The following MAP4 variants were observed in gnomAD, a reference collection of about 807,000 sequenced individuals.
MAP4 encodes microtubule associated protein 4.
In MAP4, 76 loss-of-function variants were observed where a neutral mutation model predicts 170.2. That is an observed-to-expected ratio of 0.45 (90% CI 0.37 to 0.54). The LOEUF (loss-of-function observed/expected upper bound fraction) is 0.54, where lower values mean the gene tolerates loss of function less well. MAP4 is among the 20% of genes least tolerant of loss of function. The probability of loss-of-function intolerance (pLI) is 0.00; values close to 1 mark genes in which losing one functional copy is unlikely to be tolerated. For synonymous variants in MAP4, 909 were observed against 994.5 expected (o/e 0.91, Z 1.62); for missense variants, 2,506 against 2,748.0 (o/e 0.91, Z 1.97).
chr3:47,920,343 G>A (rs563423687), intron 5 of MAP4, among the ~76,000 whole-genome samples: 174 of 152,190 alleles, frequency 1.1e-3, no homozygotes, highest in Non-Finnish European at 2.1e-3. Flanking sequence ...CTGACCTCAG[G>A]TGATCTGCCC....
chr3:47,874,483 TAA>T (rs1225671345), intron 12 of MAP4, among the ~76,000 whole-genome samples: 2 of 151,528 alleles, frequency 1.3e-5, no homozygotes, highest in African/African-American at 4.9e-5. Flanking sequence ...AAATAAAAAT[TAA>T]AAAAAAGTTC....
At chr3:47,861,124 GCTGAGGTGGGTGGATCAC>G (rs1217202039) in intron 17 of MAP4, among the ~76,000 whole-genome samples, 1 of 152,158 alleles carries the variant, frequency 6.6e-6, no homozygotes, top group Non-Finnish European at 1.5e-5. Flanking sequence ...ACTTTGGGAG[GCTGAGGTGGGTGGATCAC>G]CTGAGGTCAG....
chr3:47,912,050 C>A lies in MAP4; in HGVS notation c.2371G>T (p.Asp791Tyr). 1 of 1,536,158 alleles carries A rather than the reference C, an allele frequency of 6.5e-7. No individual in the cohort carries two copies. The highest frequency in any genetic ancestry group is 1.2e-5 in the South Asian group (1 of 84,066). The change falls in exon 9 of 21, where the codon GAT becomes TAT. Residue 791 changes from aspartate (D) to tyrosine (Y), a missense_variant. This residue lies in a region of MAP4 where 2,008 missense variants were observed against 2,206.0 expected (regional missense o/e 0.91). Transcript: ENST00000683076. ...SQPRAGGPSD[D>Y]DNADKPKGHP... is the part of the protein sequence containing the mutation. ...CCTTTAGGCTTATCTGCATTGTCAT[C>A]ATCCGAAGGTCCTCCAGCCCGTGGT... is the stretch of plus-strand genomic sequence containing the variant.
chr3:47,916,630 G>A lies in MAP4; in HGVS notation c.1197C>T (p.Pro399=), dbSNP rs375836356. 1 of 1,614,102 alleles carries A rather than the reference G, an allele frequency of 6.2e-7. No homozygotes were observed. The highest frequency in any genetic ancestry group is 8.5e-7 in the Non-Finnish European group (1 of 1,180,004). The part of the protein sequence containing the change: ...DLAPSKDMGP[P]KENKIVPAKD... The stretch of plus-strand genomic sequence containing the variant: ...TGGCTGGGACTATCTTGTTTTCTTT[G>A]GGTGGTCCCATGTCCTTGGAAGGAG... The change falls in exon 7 of 21, where the codon CCC becomes CCT. Residue 399 remains proline (P), a synonymous_variant. Coordinates refer to ENST00000683076, the MANE Select transcript of MAP4 (RefSeq NM_001385682.1).
In MAP4 at chr3:47,852,556, T is replaced by G. The variant is rs534601917; in HGVS notation, c.*378A>C. ...CCAAAGAACCAAAAAAAGATGAGGATAGAATCTGGTTCTCCTCTCCTAGAT... is the reference window on the plus strand; with the variant it reads ...CCAAAGAACCAAAAAAAGATGAGGAGAGAATCTGGTTCTCCTCTCCTAGAT... On this transcript the variant is annotated 3_prime_UTR_variant, in exon 21 of 21. Transcript: ENST00000683076. 3.3e-4 allele frequency: 177 copies of G among 540,676 alleles called. No individual in the cohort carries two copies. The highest frequency in any genetic ancestry group is 3.1e-3 in the African/African-American group (161 of 51,636). 33.5% of individuals were successfully genotyped at this position (540,676 alleles called of 1,614,324 possible). A position where few individuals can be genotyped will look rare whatever the true frequency, so the allele number is the denominator to read the frequency against.
chr3:48,067,997 G>C (rs1396737185), intron 1 of MAP4, among the ~76,000 whole-genome samples: 1 of 152,120 alleles, frequency 6.6e-6, no homozygotes, highest in East Asian at 1.9e-4. Flanking sequence ...AGGTGTGATG[G>C]CTCATACCTG....
At chr3:48,058,313 C>G (rs1418794088) in intron 1 of MAP4, among the ~76,000 whole-genome samples, 1 of 152,124 alleles carries the variant, frequency 6.6e-6, no homozygotes. Flanking sequence ...GGCTGGCCAG[C>G]CTGCGAGGCT....
intron 4 of MAP4, among the ~76,000 whole-genome samples, chr3:47,923,679 G>A (rs2100044238): frequency 6.6e-6 from 1 of 151,244 alleles, no homozygotes; most frequent in Non-Finnish European, 1.5e-5. Flanking sequence ...AGCCAGGCAT[G>A]GTAGCGCATG....
chr3:47,859,556 A>C (rs1476292358), intron 17 of MAP4, among the ~76,000 whole-genome samples: 1 of 152,130 alleles, frequency 6.6e-6, no homozygotes, highest in East Asian at 1.9e-4. Flanking sequence ...TTTCTTCCCC[A>C]TCCTTCAATG....
At chr3:48,012,706 G>C (rs955000156) in intron 1 of MAP4, among the ~76,000 whole-genome samples, 2 of 152,050 alleles carry the variant, frequency 1.3e-5, no homozygotes, top group African/African-American at 4.8e-5. Flanking sequence ...GCTGCATGTG[G>C]TTCATGGAAT....
intron 1 of MAP4, among the ~76,000 whole-genome samples, chr3:48,067,120 G>A (rs377460946): frequency 1.3e-5 from 2 of 151,814 alleles, no homozygotes; most frequent in East Asian, 1.9e-4. Context: ...GATCACAAGC[G>A]TGAGCCACCG....
intron 3 of MAP4, among the ~76,000 whole-genome samples, chr3:47,932,302 A>C (rs898663041): frequency 1.3e-5 from 2 of 152,158 alleles, no homozygotes; most frequent in Admixed American, 6.5e-5. Flanking sequence ...CACTGTGTAG[A>C]TCCACCACAC....
Position 47,909,777 on chromosome 3 carries a change from C to A in MAP4, c.4644G>T (p.Val1548=). The change falls in exon 9 of 21, where the codon GTG becomes GTT. Residue 1548 remains valine, a synonymous_variant. Transcript: ENST00000683076. The stretch of plus-strand genomic sequence containing the variant: ...TGTGCACTGACTCAGATTCTCCTAT[C>A]ACATGCCCTTCATCGATCCCTGCTT... ...KNEAGIDEGH[V]IGESESVHSG... 1 of 1,614,020 alleles carries A rather than the reference C, an allele frequency of 6.2e-7. No homozygotes were observed.
In MAP4 at chr3:47,912,222, A is replaced by G; in HGVS notation, c.2199T>C (p.Cys733=). The G allele has an allele frequency of 6.5e-7, 1 of 1,536,124 alleles. No homozygotes were observed. The highest frequency in any genetic ancestry group is 8.7e-7 in the Non-Finnish European group (1 of 1,146,890). The change falls in exon 9 of 21, where the codon TGT becomes TGC. Residue 733 remains cysteine (C), a synonymous_variant. Transcript: ENST00000683076. ...TTTTTCTTTGGTTCCCAGGCCCACCACAGGAGGATGAACCAGAGACCCAAC... is the reference window on the plus strand; with the variant it reads ...TTTTTCTTTGGTTCCCAGGCCCACCGCAGGAGGATGAACCAGAGACCCAAC... ...ESGWVSGSSS[C]GGPGNQRKSI...
intron 4 of MAP4, among the ~76,000 whole-genome samples, chr3:47,926,462 G>A (rs1425813661): frequency 1.3e-5 from 2 of 152,160 alleles, no homozygotes; most frequent in East Asian, 3.8e-4. Flanking sequence ...GGGATTACAA[G>A]TGTGAGCCAC....
intron 3 of MAP4, among the ~76,000 whole-genome samples, chr3:47,939,071 C>T (rs1430861438): frequency 1.3e-5 from 2 of 152,184 alleles, no homozygotes; most frequent in Non-Finnish European, 2.9e-5. Flanking sequence ...CCACTCTGCC[C>T]CTGTGCCTTT....
At chr3:48,042,699 G>A (rs2100122276) in intron 1 of MAP4, among the ~76,000 whole-genome samples, 1 of 152,108 alleles carries the variant, frequency 6.6e-6, no homozygotes, top group South Asian at 2.1e-4. Flanking sequence ...AAAAGTCTGG[G>A]AGCTCCTCAA....
chr3:48,049,892 C>T (rs370844341), intron 1 of MAP4, among the ~76,000 whole-genome samples: 2 of 143,826 alleles, frequency 1.4e-5, no homozygotes, highest in Admixed American at 6.9e-5. Context: ...GAGCCGAGAT[C>T]GCACCACTGC....
intron 8 of MAP4, 87 bp downstream of exon 8, chr3:47,914,730 C>A: frequency 1.3e-6 from 2 of 1,501,830 alleles, no homozygotes; most frequent in South Asian, 1.2e-5. Context: ...TACCACCATA[C>A]AACAGGGAAC....
Sources: gnomAD v4.1 joint callset for allele counts (sites outside exome capture counted in the v4.1 genomes callset) on GRCh38, gnomAD v4.1.1 for gene constraint, gnomAD v4.1.1 regional missense constraint, MANE v1.5 for transcripts, NCBI Gene and HGNC (gene_info 2026-07-23, HGNC 2026-07-21) for gene names.